ZFY: variants seen among roughly 807,000 people sequenced by gnomAD.
ZFY encodes zinc finger protein Y-linked, also known as zinc finger Y-chromosomal protein.
For missense variants in ZFY, 113 were observed against 170.9 expected, an observed-to-expected ratio of 0.66 and a Z score of 1.89; for synonymous variants, 47 against 55.8, an observed-to-expected ratio of 0.84 and a Z score of 0.71.
chrY:2,965,021 C>G, intron 3 of ZFY, among the ~76,000 whole-genome samples: 1 of 32,220 alleles, frequency 3.1e-5, no homozygotes, highest in Non-Finnish European at 7.6e-5. Context: ...CACTCTGACT[C>G]AAAAATTTTT....
chrY:2,975,529 T>C lies in ZFY; in HGVS notation c.803T>C (p.Val268Ala). 2.5e-6 allele frequency: 1 copy of C among 398,324 alleles called. No individual in the cohort carries two copies. The highest frequency in any genetic ancestry group is 3.5e-6 in the Non-Finnish European group (1 of 283,198). Residue 268 changes from valine to alanine, a missense_variant, in exon 5 of 8, where the codon GTG (valine) becomes GCG (alanine). Coordinates refer to ENST00000155093, the MANE Select transcript of ZFY (RefSeq NM_003411.4). ...CTGATAGGTGGAACTGTAGACATTG[T>C]GGAGAGTGAACCTGAAAATGATCAT... is the stretch of plus-strand genomic sequence containing the variant. ...EDDLGGTVDI[V>A]ESEPENDHGV...
intron 1 of ZFY, among the ~76,000 whole-genome samples, chrY:2,952,605 C>T (rs2051282392): frequency 2.9e-5 from 1 of 33,934 alleles, no homozygotes; most frequent in African/African-American, 1.2e-4. Flanking sequence ...CAGAGAAACA[C>T]TTTGGAAATC....
intron 3 of ZFY, among the ~76,000 whole-genome samples, chrY:2,974,092 T>A: frequency 3.1e-5 from 1 of 32,061 alleles, no homozygotes; most frequent in Non-Finnish European, 7.5e-5. Flanking sequence ...ATATGTTTTG[T>A]GTGTGTGGTT....
At position 2,943,619 on chromosome Y, in the gene ZFY, G is replaced by A. The variant is rs763448806; in HGVS notation, c.-29+7850G>A. 1.8e-3 allele frequency among the ~76,000 whole-genome samples: 61 copies of A among 33,836 alleles called. No individual in the cohort carries two copies. In the East Asian group the frequency reaches 0.047, roughly 26 times the overall value. The allele number at this position is 33,836 out of a possible 37,273, so 90.8% of individuals were successfully genotyped here. On this transcript the variant is annotated intron_variant, in intron 1 of 7. Transcript: ENST00000155093. ...GAAATGGCCAGAGGCAGGTTTGATT[G>A]GCCCTTGGTTCAGTCAGAGGTTAAT...
chrY:2,938,887 C>G (rs549989458), intron 1 of ZFY, among the ~76,000 whole-genome samples: 514 of 27,368 alleles, frequency 0.019, no homozygotes, highest in Middle Eastern at 0.052. Context: ...CTCTGGTAGC[C>G]AATTATCTTG....
intron 1 of ZFY, among the ~76,000 whole-genome samples, chrY:2,937,453 A>C: frequency 4.3e-5 from 1 of 23,034 alleles, no homozygotes; most frequent in East Asian, 1.0e-3. Context: ...GTACCACTGC[A>C]CTCCAGCCTG....
chrY:2,952,045 A>G (rs567059823), intron 1 of ZFY, among the ~76,000 whole-genome samples: 1 of 31,035 alleles, frequency 3.2e-5, no homozygotes, highest in Middle Eastern at 0.014. Flanking sequence ...CAGCCTTCCG[A>G]GTAGCTGGGA....
At chrY:2,975,446 G>T in intron 4 of ZFY, 65 bp from the exon 5 acceptor site, 10 of 377,048 alleles carry the variant, frequency 2.7e-5, no homozygotes, top group Non-Finnish European at 3.4e-5. Flanking sequence ...ACACTAAAAC[G>T]TGTAAGCAAA....
Position 2,961,311 on chromosome Y carries a change from T to C in ZFY, c.299T>C (p.Leu100Pro), listed in dbSNP as rs1339465681. 5.0e-6 allele frequency: 2 copies of C among 399,301 alleles called. No homozygotes were observed. Among genetic ancestry groups the C allele is most frequent in the Non-Finnish European group, 7.0e-6 (2 of 283,758 alleles). The part of the protein sequence containing the change: ...SENVIIPEQV[L>P]DSDVTEEVSL... Reference sequence around the variant, plus strand: ...AATGTCATCATTCCTGAGCAAGTGCTGGACTCAGATGTAACTGAAGAAGTT... The same window carrying C: ...AATGTCATCATTCCTGAGCAAGTGCCGGACTCAGATGTAACTGAAGAAGTT... The change falls in exon 3 of 8, where the codon CTG becomes CCG. Residue 100 changes from leucine to proline, a missense_variant. Physicochemically the swap from Leu to Pro is moderately conservative, Grantham distance 98. Transcript: ENST00000155093.
At chrY:2,955,038 A>G in intron 2 of ZFY, among the ~76,000 whole-genome samples, 7 of 33,301 alleles carry the variant, frequency 2.1e-4, no homozygotes, top group Non-Finnish European at 5.2e-4. Flanking sequence ...TTAAGAGCTC[A>G]CATGATTAGA....
chrY:2,957,806 G>C, intron 2 of ZFY, among the ~76,000 whole-genome samples: 2 of 33,820 alleles, frequency 5.9e-5, no homozygotes, highest in South Asian at 1.3e-3. Flanking sequence ...TTCTATCATG[G>C]TGCAGCTAGT....
chrY:2,939,578 C>T (rs777247591), intron 1 of ZFY, among the ~76,000 whole-genome samples: 1 of 33,679 alleles, frequency 3.0e-5, no homozygotes, highest in African/African-American at 1.1e-4. Flanking sequence ...CTTGTTTTCT[C>T]CAAACTTCTT....
chrY:2,972,915 GCACT>G (rs2051352496), intron 3 of ZFY, among the ~76,000 whole-genome samples: 1 of 33,105 alleles, frequency 3.0e-5, no homozygotes. Context: ...CAGTATTATA[GCACT>G]TCCTCATGGA....
chrY:2,947,569 A>T, intron 1 of ZFY, among the ~76,000 whole-genome samples: 1 of 33,806 alleles, frequency 3.0e-5, no homozygotes, highest in South Asian at 6.4e-4. Context: ...ACTGTGATTG[A>T]ACATTTTTTT....
chrY:2,946,425 A>C, intron 1 of ZFY, among the ~76,000 whole-genome samples: 1 of 33,380 alleles, frequency 3.0e-5, no homozygotes, highest in Non-Finnish European at 7.4e-5. Flanking sequence ...GAATGATTTT[A>C]TCTCACCATC....
chrY:2,956,320 A>T, intron 2 of ZFY, among the ~76,000 whole-genome samples: 1 of 32,973 alleles, frequency 3.0e-5, no homozygotes, highest in Non-Finnish European at 7.4e-5. Context: ...GAAGTGCATT[A>T]CATTTATTGT....
intron 3 of ZFY, among the ~76,000 whole-genome samples, chrY:2,969,292 G>T: frequency 3.0e-5 from 1 of 33,843 alleles, no homozygotes; most frequent in Non-Finnish European, 7.3e-5. Context: ...GTTTGTTTTA[G>T]TGTTGTTTCA....
chrY:2,976,462 C>T (rs2124514986), intron 5 of ZFY, among the ~76,000 whole-genome samples: 1 of 32,422 alleles, frequency 3.1e-5, no homozygotes, highest in African/African-American at 1.2e-4. Context: ...AAATAAGCAG[C>T]GCTGTTGTAG....
chrY:2,975,662 G>A lies in ZFY; in HGVS notation c.928+8G>A. 2.6e-6 allele frequency: 1 copy of A among 389,336 alleles called. No individual in the cohort carries two copies. Among genetic ancestry groups the A allele is most frequent in the Non-Finnish European group, 3.6e-6 (1 of 279,767 alleles). ...AAGAAGATGAAGATTTAAGTATGTG[G>A]CTTTTTAAAAAAAAATTTTTACTTT... On this transcript the variant is annotated splice_region_variant and intron_variant, in intron 5 of 7. Coordinates refer to ENST00000155093, the MANE Select transcript of ZFY (RefSeq NM_003411.4).
Sources: allele counts gnomAD v4.1 joint callset (sites outside exome capture counted in the v4.1 genomes callset), GRCh38; gene constraint gnomAD v4.1.1; transcripts MANE v1.5; gene names NCBI Gene and HGNC (gene_info 2026-07-23, HGNC 2026-07-21).